Variants in LARS1 observed in about 807,000 individuals in gnomAD.
LARS1 encodes leucine--tRNA ligase, cytoplasmic.
Under a neutral mutation model 162.8 loss-of-function variants are expected in LARS1, and 100 were observed. The ratio of observed to expected loss-of-function variants is 0.61; its 90% CI spans 0.52 to 0.73. The LOEUF is 0.73. Ranked by LOEUF, LARS1 falls within the 30% of genes least tolerant of loss-of-function variation. The probability of loss-of-function intolerance (pLI) is 0.00; values close to 1 mark genes in which losing one functional copy is unlikely to be tolerated. For missense variants in LARS1, 1,258 were observed against 1,408.9 expected (o/e 0.89, Z 1.71); for synonymous variants, 457 against 462.8 (o/e 0.99, Z 0.16).
intron 21 of LARS1, chr5:146,138,948 T>A (rs561519237): frequency 1.7e-5 from 6 of 362,014 alleles, no homozygotes; most frequent in South Asian, 1.2e-4. Context: ...TCCTAAACAA[T>A]CTTCCTGCTA....
intron 31 of LARS1, among the ~76,000 whole-genome samples, chr5:146,115,757 A>G (rs12189385): frequency 0.22 from 34,198 of 152,116 alleles, 4,851 homozygotes; most frequent in Admixed American, 0.34. Flanking sequence ...ATGACTACAA[A>G]TGCTGATTCT....
intron 2 of LARS1, among the ~76,000 whole-genome samples, chr5:146,177,120 C>T (rs1754615586): frequency 1.3e-5 from 2 of 152,096 alleles, no homozygotes; most frequent in Admixed American, 1.3e-4. Flanking sequence ...TACAATCTAC[C>T]TTATGGGTTC....
rs766683874 is a variant in LARS1, at chr5:146,128,706, T to A, written c.2846A>T (p.His949Leu). 6 of 1,590,018 alleles carry A rather than the reference T, an allele frequency of 3.8e-6. No homozygotes were observed. The Admixed American group carries it at 1.2e-4, about 31-fold the overall frequency. The change falls in exon 27 of 32, where the codon CAT becomes CTT. Residue 949 changes from histidine to leucine, a missense_variant. Transcript: ENST00000394434. Reference sequence around the variant, plus strand: ...TTTACGTAGAACAGACAGGGTGGTATGTTGCCAAGGTGGATAGTTCTTTGC... The same window carrying A: ...TTTACGTAGAACAGACAGGGTGGTAAGTTGCCAAGGTGGATAGTTCTTTGC... ...YVAKNYPPWQ[H>L]TTLSVLRKHF... is the part of the protein sequence containing the mutation.
intron 21 of LARS1, among the ~76,000 whole-genome samples, chr5:146,136,661 T>C (rs1344681579): frequency 6.6e-6 from 1 of 151,970 alleles, no homozygotes; most frequent in African/African-American, 2.4e-5. Context: ...TTTGTACTGT[T>C]AGTAGAGACG....
intron 27 of LARS1, 50 bp from the exon 28 acceptor site, chr5:146,126,595 T>A: frequency 7.8e-7 from 1 of 1,284,832 alleles, no homozygotes; most frequent in South Asian, 1.2e-5. Flanking sequence ...GTCTCAAGAA[T>A]AAGGCAGAAC....
intron 2 of LARS1, among the ~76,000 whole-genome samples, chr5:146,173,771 C>T (rs1275567766): frequency 3.9e-5 from 6 of 152,100 alleles, no homozygotes; most frequent in Non-Finnish European, 5.9e-5. Context: ...TACTGTCCCA[C>T]AAGAGATAAC....
intron 8 of LARS1, among the ~76,000 whole-genome samples, chr5:146,158,867 C>T (rs545971631): frequency 3.3e-5 from 5 of 152,072 alleles, no homozygotes; most frequent in East Asian, 3.9e-4. Context: ...GAGGCCAAGG[C>T]GGGCAGATCA....
At chr5:146,173,257 A>T (rs1343126001) in intron 2 of LARS1, among the ~76,000 whole-genome samples, 1 of 151,964 alleles carries the variant, frequency 6.6e-6, no homozygotes, top group East Asian at 1.9e-4. Flanking sequence ...GAGAATCAAG[A>T]ATCGCCTGAT....
In LARS1 at chr5:146,150,942, GACACAC is replaced by G. The variant is rs3995492; in HGVS notation, c.1425+914_1425+919del. Among the ~76,000 whole-genome samples the G allele has an allele frequency of 6.9e-4, 93 of 134,902 alleles. 1 individual carries two copies. The East Asian group carries it at 0.013, about 19-fold the overall frequency. The allele number at this position is 134,902 out of a possible 152,430, so 88.5% of individuals were successfully genotyped here. ...AGACAGAGCAAGACTCCGTCAGATA[GACACAC>G]ACACACACACACACACACACACACA... On this transcript the variant is annotated intron_variant, in intron 14 of 31. Transcript: ENST00000394434.
At chr5:146,170,680 T>C (rs906067977) in intron 4 of LARS1, among the ~76,000 whole-genome samples, 2 of 151,932 alleles carry the variant, frequency 1.3e-5, no homozygotes, top group African/African-American at 4.8e-5. Context: ...GCAACTTTCT[T>C]TCAAAAAGTT....
intron 8 of LARS1, among the ~76,000 whole-genome samples, chr5:146,158,637 A>G (rs953676173): frequency 1.3e-5 from 2 of 152,234 alleles, no homozygotes; most frequent in East Asian, 3.9e-4. Context: ...GGAAATAAGC[A>G]AGAAGGCACA....
intron 10 of LARS1, among the ~76,000 whole-genome samples, chr5:146,156,140 A>G (rs1753514372): frequency 2.0e-5 from 3 of 152,352 alleles, no homozygotes; most frequent in Middle Eastern, 6.8e-3. Flanking sequence ...TTGTGTATAC[A>G]TGAAATATTA....
chr5:146,160,521 G>C (rs113756912), intron 6 of LARS1, 35 bp from the exon 7 acceptor site: 1 of 1,117,500 alleles, frequency 8.9e-7, no homozygotes, highest in African/African-American at 1.6e-5. Context: ...CAATTACTGA[G>C]AAATACACAA....
Position 146,182,554 on chromosome 5 carries a change from G to T in LARS1, c.-61C>A. On this transcript the variant is annotated 5_prime_UTR_variant, in exon 1 of 32. Transcript: ENST00000394434. ...TGACCCTGGCGACCTCCACAAAGGAGTGGTTACCTTTCCCCTCCCTCTCGG... is the reference window on the plus strand; with the variant it reads ...TGACCCTGGCGACCTCCACAAAGGATTGGTTACCTTTCCCCTCCCTCTCGG... 1.2e-6 allele frequency: 2 copies of T among 1,612,702 alleles called. No individual in the cohort carries two copies. The highest frequency in any genetic ancestry group is 2.2e-5 in the East Asian group (1 of 44,870).
At position 146,122,481 on chromosome 5, in the gene LARS1, C is replaced by T; in HGVS notation, c.3192+11G>A. On this transcript the variant is annotated intron_variant, in intron 30 of 31. Coordinates refer to ENST00000394434, the MANE Select transcript of LARS1 (RefSeq NM_020117.11). ...AAAATGCAATGATTCAGTGAGATTCCTTCAACTTACTTCTATTCTAAAAAC... is the reference window on the plus strand; with the variant it reads ...AAAATGCAATGATTCAGTGAGATTCTTTCAACTTACTTCTATTCTAAAAAC... The T allele has an allele frequency of 1.4e-6, 2 of 1,459,146 alleles. No individual in the cohort carries two copies. The highest frequency in any genetic ancestry group is 1.9e-6 in the Non-Finnish European group (2 of 1,042,654). 90.4% of individuals were successfully genotyped at this position (1,459,146 alleles called of 1,614,324 possible). A position where few individuals can be genotyped will look rare whatever the true frequency, so the allele number is the denominator to read the frequency against.
intron 30 of LARS1, among the ~76,000 whole-genome samples, chr5:146,120,903 C>T (rs775173308): frequency 2.6e-5 from 4 of 152,086 alleles, no homozygotes; most frequent in Non-Finnish European, 5.9e-5. Context: ...TAAAAATCAG[C>T]ACAAGGTCAC....
In LARS1 at chr5:146,152,013, C is replaced by G; in HGVS notation, c.1285-11G>C. Reference sequence around the variant, plus strand: ...TTCAATGACTGGCACCTGCAGCAAACAGCAATCAGGAACGTGTTCACACTG... The same window carrying G: ...TTCAATGACTGGCACCTGCAGCAAAGAGCAATCAGGAACGTGTTCACACTG... On this transcript the variant is annotated splice_polypyrimidine_tract_variant and intron_variant, in intron 13 of 31. Coordinates refer to ENST00000394434, the MANE Select transcript of LARS1 (RefSeq NM_020117.11). 6 of 1,613,522 alleles carry G rather than the reference C, an allele frequency of 3.7e-6. No homozygotes were observed. The highest frequency in any genetic ancestry group is 4.2e-6 in the Non-Finnish European group (5 of 1,180,006).
At chr5:146,142,364 A>C (rs1191382042) in intron 20 of LARS1, among the ~76,000 whole-genome samples, 3 of 152,212 alleles carry the variant, frequency 2.0e-5, no homozygotes, top group African/African-American at 4.8e-5. Context: ...ACAAGAAGGC[A>C]TAAGAAATTG....
At chr5:146,122,623 CACTT>C (rs1324592385) in intron 29 of LARS1, 36 bp from the exon 30 acceptor site, 1 of 1,158,030 alleles carries the variant, frequency 8.6e-7, no homozygotes, top group African/African-American at 1.5e-5. Context: ...TTATTAGTAT[CACTT>C]AATGTGATTC....
Sources: allele counts gnomAD v4.1 joint callset (sites outside exome capture counted in the v4.1 genomes callset), GRCh38; gene constraint gnomAD v4.1.1; transcripts MANE v1.5; gene names NCBI Gene and HGNC (gene_info 2026-07-23, HGNC 2026-07-21).